Variants in FCHO1 observed in about 807,000 individuals in gnomAD.
The protein encoded by FCHO1 is FCH and mu domain containing endocytic adaptor 1.
In FCHO1, 45 loss-of-function variants were observed where a neutral mutation model predicts 114.4. The ratio of observed to expected loss-of-function variants is 0.39; its 90% CI spans 0.31 to 0.50. FCHO1 has a LOEUF of 0.50. FCHO1 is among the 20% of genes least tolerant of loss of function. The pLI is 0.77. For synonymous variants in FCHO1, 480 were observed against 488.9 expected (o/e 0.98, Z 0.24); for missense variants, 1,042 against 1,209.6 (o/e 0.86, Z 2.06).
At chr19:17,748,169 GA>G (rs2081018109), upstream of FCHO1, among the ~76,000 whole-genome samples, 1 of 152,188 alleles carries the variant, frequency 6.6e-6, no homozygotes. Flanking sequence ...TTCCAGCCTG[GA>G]ACCCTGGGCG....
chr19:17,773,948 T>TC (rs1254868732), intron 11 of FCHO1, among the ~76,000 whole-genome samples: 2 of 151,038 alleles, frequency 1.3e-5, no homozygotes, highest in Non-Finnish European at 2.9e-5. Flanking sequence ...TCTTGCTCTG[T>TC]CACCCAGGCT....
chr19:17,776,291 C>T lies in FCHO1; in HGVS notation c.1207+20C>T. On this transcript the variant is annotated intron_variant, in intron 17 of 28. Coordinates refer to ENST00000596536, the MANE Select transcript of FCHO1 (RefSeq NM_015122.3). This position sits in a 1 kb window ranked among gnomAD's most constrained non-coding sequence, Gnocchi z 4.4. ...CTTCACGTGAGTAGCCTTTGGTCTT[C>T]AGAGTGGGGAGGATCCTAAGGAAGG... The T allele has an allele frequency of 1.9e-6, 3 of 1,614,126 alleles. No homozygotes were observed. Among genetic ancestry groups the T allele is most frequent in the Non-Finnish European group, 2.5e-6 (3 of 1,180,006 alleles).
In FCHO1 at chr19:17,786,585, A is replaced by G. The variant is rs1195131530; in HGVS notation, c.2438A>G (p.Glu813Gly). The G allele has an allele frequency of 1.4e-6, 2 of 1,481,268 alleles. No individual in the cohort carries two copies. Among genetic ancestry groups the G allele is most frequent in the Non-Finnish European group, 1.8e-6 (2 of 1,096,156 alleles). The allele number at this position is 1,481,268 out of a possible 1,614,324, so 91.8% of individuals were successfully genotyped here. Reference sequence around the variant, plus strand: ...TCTTTCTCTGCCAGGAACCTGGAGGAGAAGCGGCTCACTTGGAGGCTTCCA... The same window carrying G: ...TCTTTCTCTGCCAGGAACCTGGAGGGGAAGCGGCTCACTTGGAGGCTTCCA... The part of the protein sequence containing the change: ...LQPAATWNLE[E>G]KRLTWRLPDV... The change falls in exon 27 of 29, where the codon GAG becomes GGG. Residue 813 changes from glutamate to glycine, a missense_variant. Physicochemically the swap from Glu to Gly is moderately conservative, Grantham distance 98 (BLOSUM62 -2). Transcript: ENST00000596536.
chr19:17,752,862 T>C (rs1352351944), intron 1 of FCHO1, among the ~76,000 whole-genome samples: 3 of 151,994 alleles, frequency 2.0e-5, no homozygotes, highest in African/African-American at 7.2e-5. Flanking sequence ...ATCATGCCAC[T>C]GCACACTCCA....
intron 5 of FCHO1, 95 bp downstream of exon 5, chr19:17,762,948 A>T (rs924647148): frequency 4.8e-6 from 4 of 837,276 alleles, no homozygotes; most frequent in Admixed American, 4.5e-5. Flanking sequence ...AGGGGCTAGA[A>T]CCCTGGGGAT....
chr19:17,778,682 C>A lies in FCHO1; in HGVS notation c.1425C>A (p.Ser475=). 6.4e-7 allele frequency: 1 copy of A among 1,564,838 alleles called. No homozygotes were observed. The highest frequency in any genetic ancestry group is 2.4e-5 in the East Asian group (1 of 42,060). ...SSSSPENVED[S]GLDSPSHAAP... ...CGTCGCCCGAAAACGTGGAGGATTC[C>A]GGCCTGGACTCTCCGTCCCACGCGG... The change falls in exon 20 of 29, where the codon TCC becomes TCA. Residue 475 remains serine (S), a synonymous_variant. Transcript: ENST00000596536.
At chr19:17,761,704 GA>G (rs1400251363) in intron 4 of FCHO1, among the ~76,000 whole-genome samples, 3 of 151,012 alleles carry the variant, frequency 2.0e-5, no homozygotes, top group African/African-American at 7.3e-5. Flanking sequence ...CTGTTGCCCA[GA>G]GCTGGAGTGC....
Position 17,783,073 on chromosome 19 carries a change from G to T in FCHO1, c.1994G>T (p.Arg665Leu). Residue 665 changes from arginine to leucine, a missense_variant, in exon 24 of 29, where the codon CGT becomes CTT. Physicochemically the swap from Arg to Leu is moderately radical, Grantham distance 102. Transcript: ENST00000596536. ...ATGACCTTCCCTGCTGGCATCGTGC[G>T]TGTGTTCAGCGGGACCCCACCACCA... ...LTMTFPAGIV[R>L]VFSGTPPPPV... 1.9e-6 allele frequency: 3 copies of T among 1,614,114 alleles called. No homozygotes were observed. Among genetic ancestry groups the T allele is most frequent in the East Asian group, 2.2e-5 (1 of 44,868 alleles).
In FCHO1 at chr19:17,751,716, A is replaced by AT. The variant is rs1266278446; in HGVS notation, c.-183+140dup. 1 of 152,322 alleles carries AT rather than the reference A, an allele frequency of 6.6e-6. No individual in the cohort carries two copies. Among genetic ancestry groups the AT allele is most frequent in the African/African-American group, 2.4e-5 (1 of 41,444 alleles). The allele number at this position is 152,322 out of a possible 1,614,324, so 9.4% of individuals were successfully genotyped here. A position where few individuals can be genotyped will look rare whatever the true frequency, so the allele number is the denominator to read the frequency against. On this transcript the variant is annotated intron_variant, in intron 1 of 28. Transcript: ENST00000596536. This position sits in a 1 kb window ranked among gnomAD's most constrained non-coding sequence, Gnocchi z 4.4. ...ACTTCCTGGGCTGGCCAAAGCCTGC[A>AT]TGGGGCCACCCGTTGCCCTGCCCCC...
In FCHO1 at chr19:17,775,815, G is replaced by T. The variant is rs1431887672; in HGVS notation, c.1004-168G>T. On this transcript the variant is annotated intron_variant, in intron 15 of 28. Coordinates refer to ENST00000596536, the MANE Select transcript of FCHO1 (RefSeq NM_015122.3). The surrounding 1 kb of genome is among the most constrained non-coding windows in gnomAD (Gnocchi z 5.1). ...CTTGTGCAAAGGCTTCTCGGGGGGGGTGGGAGTGCTGGTGGGACATGGTGT... is the reference window on the plus strand; with the variant it reads ...CTTGTGCAAAGGCTTCTCGGGGGGGTTGGGAGTGCTGGTGGGACATGGTGT... Among the ~76,000 whole-genome samples, 1 of 151,912 alleles carries T rather than the reference G, an allele frequency of 6.6e-6. No homozygotes were observed. The highest frequency in any genetic ancestry group is 1.5e-5 in the Non-Finnish European group (1 of 67,994).
At chr19:17,755,967 T>C (rs2083336389) in intron 4 of FCHO1, among the ~76,000 whole-genome samples, 2 of 152,164 alleles carry the variant, frequency 1.3e-5, no homozygotes, top group Admixed American at 1.3e-4. Flanking sequence ...CAGGGACTCC[T>C]CCTGCAGAGC....
intron 11 of FCHO1, 65 bp downstream of exon 11, chr19:17,772,806 C>A: frequency 8.7e-7 from 1 of 1,149,860 alleles, no homozygotes; most frequent in Non-Finnish European, 1.3e-6. Context: ...CATGTGCCAC[C>A]ATGCCCAGCT....
At chr19:17,768,719 A>G (rs535218316) in intron 7 of FCHO1, among the ~76,000 whole-genome samples, 1,409 of 126,208 alleles carry the variant, frequency 0.011, 15 homozygotes, top group Middle Eastern at 0.032. Context: ...CAAAAAAAAA[A>G]AAAAGGAGAG....
Position 17,772,479 on chromosome 19 carries a change from C to G in FCHO1, c.617C>G (p.Thr206Arg). The G allele has an allele frequency of 6.2e-7, 1 of 1,614,096 alleles. No homozygotes were observed. Among genetic ancestry groups the G allele is most frequent in the Admixed American group, 1.7e-5 (1 of 59,982 alleles). The change falls in exon 10 of 29, where the codon ACA becomes AGA. Residue 206 changes from threonine to arginine, a missense_variant. Around this residue, in one of 3 missense-constraint regions of FCHO1, gnomAD observed 450 missense variants for 564.1 expected, o/e 0.80. Coordinates refer to ENST00000596536, the MANE Select transcript of FCHO1 (RefSeq NM_015122.3). ...SALRFQAMEE[T>R]HLRHMKALLG... ...CAGCGCTTCCAAGCCATGGAGGAGA[C>G]ACACCTGAGGCACATGAAGGCACTG...
intron 11 of FCHO1, 118 bp from the exon 12 acceptor site, chr19:17,774,121 C>G: frequency 1.2e-6 from 1 of 867,114 alleles, no homozygotes. Context: ...GGTGGCCAGG[C>G]TGGTCTTGAA....
chr19:17,774,642 C>G (rs763712531), intron 13 of FCHO1, 164 bp downstream of exon 13: 1 of 618,086 alleles, frequency 1.6e-6, no homozygotes, highest in Non-Finnish European at 2.8e-6. Context: ...CCTCTGCCCC[C>G]GGCTAGCTCA....
rs2086867326 is a variant in FCHO1, at chr19:17,762,806, G to A, written c.72G>A (p.Lys24=). ...HGFEVLYHSV[K]QGPISTKELA... ...TTGAGGTCCTGTACCACAGCGTGAA[G>A]CAGGGGCCCATCTCCACCAAGGAGC... is the stretch of plus-strand genomic sequence containing the variant. Residue 24 remains lysine, a synonymous_variant, in exon 5 of 29, where the codon AAG becomes AAA. Transcript: ENST00000596536. 6.2e-7 allele frequency: 1 copy of A among 1,613,966 alleles called. No homozygotes were observed. The highest frequency in any genetic ancestry group is 8.5e-7 in the Non-Finnish European group (1 of 1,179,976).
At chr19:17,768,584 C>T (rs12981675) in intron 7 of FCHO1, among the ~76,000 whole-genome samples, 42,964 of 151,672 alleles carry the variant, frequency 0.28, 7,866 homozygotes, top group Non-Finnish European at 0.41. Context: ...ATCCCAGCTA[C>T]TCAGGAGGCT....
intron 24 of FCHO1, among the ~76,000 whole-genome samples, chr19:17,783,550 G>A (rs1316140727): frequency 2.6e-5 from 4 of 151,252 alleles, no homozygotes; most frequent in African/African-American, 9.7e-5. Flanking sequence ...TTACAGGCGT[G>A]AGCTACCACA....
Sources: gnomAD v4.1 joint callset for allele counts (sites outside exome capture counted in the v4.1 genomes callset) on GRCh38, gnomAD v4.1.1 for gene constraint, gnomAD v4.1.1 regional missense constraint, Gnocchi (gnomAD v3.1) non-coding constraint, MANE v1.5 for transcripts, NCBI Gene and HGNC (gene_info 2026-07-23, HGNC 2026-07-21) for gene names.